SLC6A11: variants seen among roughly 807,000 people sequenced by gnomAD.
SLC6A11 encodes the protein sodium- and chloride-dependent GABA transporter 3.
Under a neutral mutation model 74.8 loss-of-function variants are expected in SLC6A11, and 25 were observed. The ratio of observed to expected loss-of-function variants is 0.33; its 90% CI spans 0.24 to 0.47. The LOEUF is 0.47. Ranked by LOEUF, SLC6A11 falls within the 20% of genes least tolerant of loss-of-function variation. The pLI, the probability that SLC6A11 is intolerant of heterozygous loss-of-function variation, is 1.00. For missense variants in SLC6A11, 574 were observed against 837.0 expected (o/e 0.69, Z 3.88); for synonymous variants, 330 against 330.2 (o/e 1.00, Z 0.01).
intron 6 of SLC6A11, among the ~76,000 whole-genome samples, chr3:10,900,873 C>A (rs939541937): frequency 2.6e-5 from 4 of 152,222 alleles, no homozygotes; most frequent in African/African-American, 9.6e-5. Context: ...CTGACTCCCC[C>A]TGCCTCAGTG....
intron 4 of SLC6A11, among the ~76,000 whole-genome samples, chr3:10,839,792 T>C (rs1694414234): frequency 6.6e-6 from 1 of 152,210 alleles, no homozygotes; most frequent in South Asian, 2.1e-4. Context: ...TGATTGGCCA[T>C]GATCTCTTCC....
intron 5 of SLC6A11, 74 bp downstream of exon 5, chr3:10,844,420 A>G (rs567929140): frequency 3.5e-4 from 547 of 1,584,078 alleles, no homozygotes; most frequent in South Asian, 5.9e-4. Context: ...AGAGAGTAAC[A>G]GGGAGTTCAT....
chr3:10,841,488 C>T (rs999310374), intron 4 of SLC6A11, among the ~76,000 whole-genome samples: 3 of 152,128 alleles, frequency 2.0e-5, no homozygotes, highest in Admixed American at 6.6e-5. Context: ...TTAAAGTCAG[C>T]GTTGGTAAAA....
intron 5 of SLC6A11, among the ~76,000 whole-genome samples, chr3:10,874,009 TATGCTATACC>T (rs1435717748): frequency 6.6e-6 from 1 of 152,156 alleles, no homozygotes; most frequent in Non-Finnish European, 1.5e-5. Context: ...TATGCTATGC[TATGCTATACC>T]ATCCTATCCT....
chr3:10,937,998 C>T (rs1695778210), intron 13 of SLC6A11, among the ~76,000 whole-genome samples: 1 of 152,222 alleles, frequency 6.6e-6, no homozygotes, highest in South Asian at 2.1e-4. Flanking sequence ...TTTCCATAGC[C>T]TCTCCTTACT....
intron 5 of SLC6A11, among the ~76,000 whole-genome samples, chr3:10,855,367 C>T (rs1694626862): frequency 6.6e-6 from 1 of 152,138 alleles, no homozygotes; most frequent in Non-Finnish European, 1.5e-5. Context: ...ACTGTACAGA[C>T]CCAGATTCTC....
rs1695615644 is a variant in SLC6A11 at position 10,926,904 on chromosome 3, A to C, written c.1233+788A>C. Among the ~76,000 whole-genome samples, 1 of 151,996 alleles carries C rather than the reference A, an allele frequency of 6.6e-6. No individual in the cohort carries two copies. The highest frequency in any genetic ancestry group is 1.9e-4 in the East Asian group (1 of 5,172). On this transcript the variant is annotated intron_variant, in intron 9 of 13. Transcript: ENST00000254488. This position sits in a 1 kb window ranked among gnomAD's most constrained non-coding sequence, Gnocchi z 5.7. ...GCTGTTTTCCCTAGGAGCCCTGGAGAACTTCCCCCAGCCACAGCCTCCCCG... is the reference window on the plus strand; with the variant it reads ...GCTGTTTTCCCTAGGAGCCCTGGAGCACTTCCCCCAGCCACAGCCTCCCCG...
chr3:10,895,690 C>T (rs1204042949), intron 6 of SLC6A11, among the ~76,000 whole-genome samples: 2 of 152,136 alleles, frequency 1.3e-5, no homozygotes, highest in Non-Finnish European at 2.9e-5. Context: ...AGCAAACTGT[C>T]ATGGCACACA....
At chr3:10,937,021 C>T (rs761717759) in intron 13 of SLC6A11, among the ~76,000 whole-genome samples, 11 of 152,080 alleles carry the variant, frequency 7.2e-5, no homozygotes, top group Non-Finnish European at 1.0e-4. Context: ...GTCCACAACC[C>T]GAGCCTCAGT....
intron 4 of SLC6A11, among the ~76,000 whole-genome samples, chr3:10,836,315 G>A (rs1247415123): frequency 6.6e-6 from 1 of 152,232 alleles, no homozygotes. Context: ...GAATAATGCT[G>A]CTATGAACAT....
At chr3:10,906,619 G>A (rs879418578) in intron 6 of SLC6A11, among the ~76,000 whole-genome samples, 1 of 152,216 alleles carries the variant, frequency 6.6e-6, no homozygotes, top group Admixed American at 6.5e-5. Flanking sequence ...AGGTAAGTGG[G>A]GGAGGACTGC....
At chr3:10,934,198 A>G (rs746044171) in intron 12 of SLC6A11, 32 bp downstream of exon 12, 6 of 1,439,344 alleles carry the variant, frequency 4.2e-6, no homozygotes, top group Non-Finnish European at 5.9e-6. Flanking sequence ...ACCTCCAGCC[A>G]TCTACCCACC....
chr3:10,939,951 C>T lies in SLC6A11; in HGVS notation c.*1549C>T, dbSNP rs187069804. The stretch of plus-strand genomic sequence containing the variant: ...CTCTTTTTTCCTTTTTCCTTAGGTT[C>T]CCAATATTATTTGGTGGAAACGTGG... On this transcript the variant is annotated 3_prime_UTR_variant, in exon 14 of 14. Coordinates refer to ENST00000254488, the MANE Select transcript of SLC6A11 (RefSeq NM_014229.3). 6.6e-3 allele frequency: 1,003 copies of T among 152,228 alleles called. 4 individuals carry two copies. The highest frequency in any genetic ancestry group is 0.011 in the Non-Finnish European group (751 of 68,012). 9.4% of individuals were successfully genotyped at this position (152,228 alleles called of 1,614,324 possible).
At chr3:10,854,299 G>A (rs1262643022) in intron 5 of SLC6A11, among the ~76,000 whole-genome samples, 1 of 152,154 alleles carries the variant, frequency 6.6e-6, no homozygotes. Context: ...TGAGGCAGGA[G>A]AACCACTTGA....
At chr3:10,915,000 C>T (rs1695437185) in intron 7 of SLC6A11, among the ~76,000 whole-genome samples, 1 of 152,282 alleles carries the variant, frequency 6.6e-6, no homozygotes, top group East Asian at 1.9e-4. Flanking sequence ...TAGTTTAGTG[C>T]TGGCTTCCAT....
intron 5 of SLC6A11, among the ~76,000 whole-genome samples, chr3:10,873,485 C>G (rs550679753): frequency 4.6e-5 from 7 of 151,100 alleles, no homozygotes; most frequent in African/African-American, 1.5e-4. Context: ...CTACCATACC[C>G]TACCCTATGC....
Position 10,918,630 on chromosome 3 carries a change from C to T in SLC6A11, c.1120+177C>T, listed in dbSNP as rs764426511. Among the ~76,000 whole-genome samples the T allele has an allele frequency of 5.3e-5, 8 of 152,068 alleles. No homozygotes were observed. Among genetic ancestry groups the T allele is most frequent in the African/African-American group, 1.7e-4 (7 of 41,418 alleles). ...TGGGAATTACCTAGGAGGAAAGTCTCGACACCTCCTCCCTCCCAAATCCAA... is the reference window on the plus strand; with the variant it reads ...TGGGAATTACCTAGGAGGAAAGTCTTGACACCTCCTCCCTCCCAAATCCAA... On this transcript the variant is annotated intron_variant, in intron 8 of 13. Coordinates refer to ENST00000254488, the MANE Select transcript of SLC6A11 (RefSeq NM_014229.3). This position sits in a 1 kb window ranked among gnomAD's most constrained non-coding sequence, Gnocchi z 4.5.
Position 10,940,543 on chromosome 3 carries a change from T to C in SLC6A11, c.*2141T>C, listed in dbSNP as rs376032668. The C allele has an allele frequency of 3.9e-5, 6 of 152,296 alleles. No homozygotes were observed. The East Asian group carries it at 1.2e-3, about 29-fold the overall frequency. 9.4% of individuals were successfully genotyped at this position (152,296 alleles called of 1,614,324 possible). A position where few individuals can be genotyped will look rare whatever the true frequency, so the allele number is the denominator to read the frequency against. On this transcript the variant is annotated 3_prime_UTR_variant, in exon 14 of 14. Coordinates refer to ENST00000254488, the MANE Select transcript of SLC6A11 (RefSeq NM_014229.3). ...GGGGCAGGGGAACATGTCATTGTGATGACTTTTTTGATATTCATTAGAAAC... is the reference window on the plus strand; with the variant it reads ...GGGGCAGGGGAACATGTCATTGTGACGACTTTTTTGATATTCATTAGAAAC...
chr3:10,875,776 G>A (rs924825764), intron 6 of SLC6A11, among the ~76,000 whole-genome samples: 4 of 152,160 alleles, frequency 2.6e-5, no homozygotes, highest in Admixed American at 6.5e-5. Flanking sequence ...CCTGGAATAC[G>A]TTAAACAGAT....
Sources: gnomAD v4.1 joint callset for allele counts (sites outside exome capture counted in the v4.1 genomes callset) on GRCh38, gnomAD v4.1.1 for gene constraint, Gnocchi (gnomAD v3.1) non-coding constraint, MANE v1.5 for transcripts, NCBI Gene and HGNC (gene_info 2026-07-23, HGNC 2026-07-21) for gene names.